Variants in INSC observed in about 807,000 individuals in gnomAD.
INSC encodes protein inscuteable homolog.
In INSC, 67 loss-of-function variants were observed where a neutral mutation model predicts 58.6. That is an observed-to-expected ratio of 1.14 (90% CI 0.94 to 1.40). The LOEUF (loss-of-function observed/expected upper bound fraction) is 1.40. INSC is among the 40% of genes most tolerant of loss of function. The probability of loss-of-function intolerance (pLI) is 0.00; values close to 1 mark genes in which losing one functional copy is unlikely to be tolerated. For missense variants in INSC, 714 were observed against 692.0 expected, an observed-to-expected ratio of 1.03 and a Z score of -0.36; for synonymous variants, 262 against 276.1, an observed-to-expected ratio of 0.95 and a Z score of 0.51.
chr11:15,229,734 A>G (rs867543561), intron 9 of INSC, among the ~76,000 whole-genome samples: 2 of 150,850 alleles, frequency 1.3e-5, no homozygotes, highest in Middle Eastern at 6.9e-3. Context: ...TAGGGTCAGG[A>G]AATATAGTTA....
At chr11:15,174,552 GAATGA>G (rs751271666) in intron 2 of INSC, among the ~76,000 whole-genome samples, 79 of 152,342 alleles carry the variant, frequency 5.2e-4, no homozygotes, top group Middle Eastern at 3.4e-3. Context: ...GTAGATGAGT[GAATGA>G]GCTGGTGGCA....
At position 15,244,723 on chromosome 11, in the gene INSC, T is replaced by C. The variant is rs116027965; in HGVS notation, c.1471-1189T>C. Among the ~76,000 whole-genome samples the C allele has an allele frequency of 5.6e-3, 859 of 152,300 alleles. 9 individuals are homozygous for C. Among genetic ancestry groups the C allele is most frequent in the African/African-American group, 0.02 (819 of 41,560 alleles). On this transcript the variant is annotated intron_variant, in intron 12 of 12. Transcript: ENST00000379556. The stretch of plus-strand genomic sequence containing the variant: ...CATGTAGGGATTAAGTGAGGTGCTA[T>C]GGGGAGATTCTCAGTGTTTGCATTC...
chr11:15,238,807 T>C lies in INSC; in HGVS notation c.1238-112T>C, dbSNP rs1852227934. On this transcript the variant is annotated intron_variant, in intron 10 of 12. Coordinates refer to ENST00000379556, the MANE Select transcript of INSC (RefSeq NM_001042536.3). ...GCTTCCTCCCTGTGGGTGAGACCCC[T>C]GAAGTCATCCTGACAGCCTTTGCTT... The C allele has an allele frequency of 4.5e-6, 5 of 1,106,772 alleles. No homozygotes were observed. The East Asian group carries it at 1.3e-4, about 28-fold the overall frequency. The allele number at this position is 1,106,772 out of a possible 1,614,324, so 68.6% of individuals were successfully genotyped here.
rs546405495 is a variant in INSC at position 15,201,593 on chromosome 11, G to A, written c.819+644G>A. Among the ~76,000 whole-genome samples, 5 of 152,322 alleles carry A rather than the reference G, an allele frequency of 3.3e-5. No individual in the cohort carries two copies. In the East Asian group the frequency reaches 9.7e-4, roughly 29 times the overall value. On this transcript the variant is annotated intron_variant, in intron 7 of 12. Coordinates refer to ENST00000379556, the MANE Select transcript of INSC (RefSeq NM_001042536.3). ...ACCCTGACCCCTTCCCTGGTTGTGC[G>A]ACTGAGGCTGCGCCTCTACTTAGAC...
At chr11:15,137,491 T>C (rs1346235455) in intron 1 of INSC, among the ~76,000 whole-genome samples, 1 of 152,206 alleles carries the variant, frequency 6.6e-6, no homozygotes, top group Admixed American at 6.5e-5. Flanking sequence ...GTAGCCACCT[T>C]CATCAATAAT....
In INSC at chr11:15,225,726, C is replaced by T. The variant is rs1309811652; in HGVS notation, c.1068C>T (p.Asp356=). Residue 356 remains aspartate, a synonymous_variant, in exon 9 of 13, where the codon GAC becomes GAT. Coordinates refer to ENST00000379556, the MANE Select transcript of INSC (RefSeq NM_001042536.3). ...SAALANITFF[D]TMACEMLLQL... is the part of the protein sequence containing the mutation. ...CCCTTGCCAACATCACGTTCTTTGA[C>T]ACAATGGCCTGCGAGATGCTCCTGC... 1 of 1,614,004 alleles carries T rather than the reference C, an allele frequency of 6.2e-7. No individual in the cohort carries two copies. The highest frequency in any genetic ancestry group is 1.3e-5 in the African/African-American group (1 of 74,920).
chr11:15,246,595 C>T lies in INSC; in HGVS notation c.*555C>T, dbSNP rs1852573358. On this transcript the variant is annotated 3_prime_UTR_variant, in exon 13 of 13. Transcript: ENST00000379556. The stretch of plus-strand genomic sequence containing the variant: ...CTTCCCAGGTTTCATTCCCCAAAAA[C>T]TTTTCCAACCATTAAAAGTACACAC... 6.6e-6 allele frequency: 1 copy of T among 152,628 alleles called. No individual in the cohort carries two copies. Among genetic ancestry groups the T allele is most frequent in the African/African-American group, 2.4e-5 (1 of 41,400 alleles). The allele number at this position is 152,628 out of a possible 1,614,324, so 9.5% of individuals were successfully genotyped here. A position where few individuals can be genotyped will look rare whatever the true frequency, so the allele number is the denominator to read the frequency against.
At chr11:15,215,348 G>T (rs1314260016) in intron 7 of INSC, among the ~76,000 whole-genome samples, 1 of 152,236 alleles carries the variant, frequency 6.6e-6, no homozygotes, top group African/African-American at 2.4e-5. Flanking sequence ...GTGATTTGGG[G>T]ATGCAGACTT....
intron 7 of INSC, among the ~76,000 whole-genome samples, chr11:15,208,578 C>T (rs905985104): frequency 1.3e-5 from 2 of 152,216 alleles, no homozygotes; most frequent in African/African-American, 4.8e-5. Context: ...AGCCACACTG[C>T]CCCACCTGCC....
At chr11:15,148,334 G>A (rs535791104) in intron 1 of INSC, among the ~76,000 whole-genome samples, 1 of 152,326 alleles carries the variant, frequency 6.6e-6, no homozygotes, top group Admixed American at 6.5e-5. Context: ...TAGTGATCAA[G>A]GACCCAGCAT....
At chr11:15,124,969 G>T (rs1847956309) in intron 1 of INSC, among the ~76,000 whole-genome samples, 1 of 152,192 alleles carries the variant, frequency 6.6e-6, no homozygotes, top group Non-Finnish European at 1.5e-5. Flanking sequence ...GGTGAGCAAA[G>T]CACATATTTC....
At chr11:15,200,697 G>T (rs1452267917) in intron 6 of INSC, 127 bp from the exon 7 acceptor site, 9 of 1,144,426 alleles carry the variant, frequency 7.9e-6, no homozygotes, top group Non-Finnish European at 1.1e-5. Context: ...TGTGTGTGGG[G>T]CGGGGGTTGC....
chr11:15,121,386 G>A (rs1021666531), intron 1 of INSC, among the ~76,000 whole-genome samples: 1 of 152,174 alleles, frequency 6.6e-6, no homozygotes, highest in Non-Finnish European at 1.5e-5. Context: ...TTTGGTTATT[G>A]TGGATGGTTC....
the INSC span, among the ~76,000 whole-genome samples, chr11:15,266,370 A>G: frequency 9.9e-5 from 15 of 152,124 alleles, no homozygotes; most frequent in Non-Finnish European, 1.9e-4. Context: ...ATAGGGATCT[A>G]TTAGCAACTT....
rs372145908 is a variant in INSC, at chr11:15,239,090, T to C, written c.1393+16T>C. ...CGGCTCAGCTGTGAGTGGTGCTTTC[T>C]GGCTGTGGCTGGAGTGGAGTGGGGG... On this transcript the variant is annotated intron_variant, in intron 11 of 12. Transcript: ENST00000379556. 1.2e-6 allele frequency: 2 copies of C among 1,602,844 alleles called. No homozygotes were observed. The highest frequency in any genetic ancestry group is 2.2e-5 in the East Asian group (1 of 44,668).
intron 1 of INSC, among the ~76,000 whole-genome samples, chr11:15,124,799 G>T (rs1401028142): frequency 6.6e-6 from 1 of 152,148 alleles, no homozygotes; most frequent in African/African-American, 2.4e-5. Context: ...GACAATGACA[G>T]CCACATTAGA....
At chr11:15,263,408 T>C in the INSC span, among the ~76,000 whole-genome samples, 2 of 151,794 alleles carry the variant, frequency 1.3e-5, no homozygotes, top group African/African-American at 4.8e-5. Flanking sequence ...TAAAAAGAAA[T>C]CCATATGTGT....
At chr11:15,111,661 G>A (rs1285505293), upstream of INSC, among the ~76,000 whole-genome samples, 1 of 151,992 alleles carries the variant, frequency 6.6e-6, no homozygotes, top group Non-Finnish European at 1.5e-5. Context: ...TTTGTGTAGA[G>A]TCTCCATCTC....
chr11:15,146,567 A>T (rs1848497792), intron 1 of INSC, among the ~76,000 whole-genome samples: 1 of 152,150 alleles, frequency 6.6e-6, no homozygotes, highest in African/African-American at 2.4e-5. Context: ...GAATGATGGC[A>T]CCTCACTGGG....
Sources: gnomAD v4.1 joint callset for allele counts (sites outside exome capture counted in the v4.1 genomes callset) on GRCh38, gnomAD v4.1.1 for gene constraint, MANE v1.5 for transcripts, NCBI Gene and HGNC (gene_info 2026-07-23, HGNC 2026-07-21) for gene names.